Variants in RGS22 observed in about 807,000 individuals in gnomAD.
RGS22 encodes the protein regulator of G protein signaling 22.
A neutral mutation model predicts 172.9 loss-of-function variants in RGS22; 148 were observed. That is an observed-to-expected ratio of 0.86 (90% confidence interval 0.75 to 0.98). The LOEUF (loss-of-function observed/expected upper bound fraction) is 0.98, where lower values mean the gene tolerates loss of function less well. Ranked by LOEUF, RGS22 falls within the 50% of genes least tolerant of loss-of-function variation. RGS22 has a pLI of 0.00. For synonymous variants in RGS22, 458 were observed against 480.2 expected (o/e 0.95, Z 0.60); for missense variants, 1,347 against 1,440.8 (o/e 0.93, Z 1.05).
At chr8:100,015,271 GTT>G (rs1816820222) in intron 14 of RGS22, among the ~76,000 whole-genome samples, 1 of 151,822 alleles carries the variant, frequency 6.6e-6, no homozygotes, top group South Asian at 2.1e-4. Flanking sequence ...TTCCTCCTGT[GTT>G]TCCAGTTTTC....
chr8:100,005,096 T>C (rs1339587891), intron 16 of RGS22, among the ~76,000 whole-genome samples: 1 of 152,054 alleles, frequency 6.6e-6, no homozygotes, highest in African/African-American at 2.4e-5. Flanking sequence ...TCATAGAGTT[T>C]ACAATACAAC....
intron 2 of RGS22, among the ~76,000 whole-genome samples, chr8:100,099,421 G>T (rs565478699): frequency 6.6e-6 from 1 of 152,260 alleles, no homozygotes; most frequent in Admixed American, 6.5e-5. Context: ...GTAAAAAGAG[G>T]ATGTGGCAAG....
intron 23 of RGS22, among the ~76,000 whole-genome samples, chr8:99,966,087 CAG>C (rs1447338365): frequency 6.6e-6 from 1 of 152,122 alleles, no homozygotes; most frequent in Non-Finnish European, 1.5e-5. Flanking sequence ...TCACTTTTGA[CAG>C]ATAATATTTT....
chr8:99,999,523 AG>A, intron 18 of RGS22, 103 bp from the exon 19 acceptor site: 9 of 1,196,416 alleles, frequency 7.5e-6, no homozygotes, highest in Non-Finnish European at 1.1e-5. Flanking sequence ...CTGCACCCTG[AG>A]GGGTGCCAAT....
chr8:100,021,886 A>C (rs1817632066), intron 14 of RGS22, among the ~76,000 whole-genome samples: 1 of 152,192 alleles, frequency 6.6e-6, no homozygotes, highest in African/African-American at 2.4e-5. Flanking sequence ...CAAAAAGAGA[A>C]GTCTGTTTTC....
At chr8:100,053,481 G>A (rs993832066) in intron 9 of RGS22, among the ~76,000 whole-genome samples, 7 of 150,324 alleles carry the variant, frequency 4.7e-5, no homozygotes, top group African/African-American at 1.7e-4. Context: ...AGGGAGGGAG[G>A]AAAGGAAGGA....
chr8:100,082,826 T>C (rs1811863339), intron 3 of RGS22, among the ~76,000 whole-genome samples: 1 of 152,212 alleles, frequency 6.6e-6, no homozygotes, highest in African/African-American at 2.4e-5. Context: ...AGCATTTTGA[T>C]TCCAAAGCCC....
chr8:99,966,988 G>A (rs1019429018), intron 23 of RGS22, among the ~76,000 whole-genome samples: 1 of 152,208 alleles, frequency 6.6e-6, no homozygotes, highest in Non-Finnish European at 1.5e-5. Flanking sequence ...GACCAACACA[G>A]AAGGAGGGTG....
At chr8:100,036,243 G>A (rs1052218876) in intron 14 of RGS22, among the ~76,000 whole-genome samples, 19 of 151,254 alleles carry the variant, frequency 1.3e-4, no homozygotes, top group African/African-American at 2.7e-4. Context: ...GCAAGCTGTC[G>A]CTAGGGTCAA....
chr8:100,008,573 AAGG>A lies in RGS22; in HGVS notation c.2167-7_2167-5del, dbSNP rs762848520. 1.9e-6 allele frequency: 3 copies of A among 1,604,784 alleles called. No individual in the cohort carries two copies. Among genetic ancestry groups the A allele is most frequent in the South Asian group, 1.1e-5 (1 of 89,320 alleles). Reference sequence around the variant, plus strand: ...CAACGTATGTGGCAAAAAGATACTGAAGGAGAAGAGGGAAGAAGGGAGAAGATG... The same window carrying A: ...CAACGTATGTGGCAAAAAGATACTGAAGAAGAGGGAAGAAGGGAGAAGATG... On this transcript the variant is annotated splice_region_variant and splice_polypyrimidine_tract_variant and intron_variant, in intron 14 of 27. Transcript: ENST00000360863.
chr8:100,001,993 AAC>A (rs1458425128), intron 18 of RGS22, among the ~76,000 whole-genome samples: 1 of 152,226 alleles, frequency 6.6e-6, no homozygotes, highest in African/African-American at 2.4e-5. Context: ...TTTTTAGAGT[AAC>A]ACATTTTTAT....
At position 100,040,083 on chromosome 8, in the gene RGS22, T is replaced by C. The variant is rs751074740; in HGVS notation, c.1943A>G (p.Lys648Arg). Reference sequence around the variant, plus strand: ...CAAGGCACCAACATCTGACACGGTTTTAACCTAGATAACAAAACAGAAGTC... The same window carrying C: ...CAAGGCACCAACATCTGACACGGTTCTAACCTAGATAACAAAACAGAAGTC... ...RYAYTEEPRV[K>R]TVSDVGALGG... Residue 648 changes from lysine to arginine, a missense_variant, in exon 13 of 28, where the codon AAA becomes AGA. Lys to Arg is a conservative substitution (Grantham distance 26). Transcript: ENST00000360863. The C allele has an allele frequency of 1.2e-6, 2 of 1,607,424 alleles. No homozygotes were observed. The highest frequency in any genetic ancestry group is 1.7e-6 in the Non-Finnish European group (2 of 1,178,220).
chr8:100,011,626 T>C (rs1405923565), intron 14 of RGS22, among the ~76,000 whole-genome samples: 6 of 152,144 alleles, frequency 3.9e-5, no homozygotes, highest in Non-Finnish European at 7.4e-5. Context: ...GAAGTCCCTG[T>C]AAACATCCTA....
intron 24 of RGS22, among the ~76,000 whole-genome samples, 174 bp downstream of exon 24, chr8:99,965,161 G>A (rs566870573): frequency 6.6e-6 from 1 of 152,120 alleles, no homozygotes. Flanking sequence ...TCTGGGATTG[G>A]CTGAAATTTT....
chr8:100,085,887 C>T (rs1158566051), intron 3 of RGS22, among the ~76,000 whole-genome samples: 2 of 152,110 alleles, frequency 1.3e-5, no homozygotes, highest in African/African-American at 4.8e-5. Context: ...ATGAGTAGCT[C>T]AATTTGAATA....
intron 14 of RGS22, among the ~76,000 whole-genome samples, chr8:100,032,224 A>T (rs1818896715): frequency 6.6e-6 from 1 of 152,200 alleles, no homozygotes; most frequent in Non-Finnish European, 1.5e-5. Flanking sequence ...CAGACTGGCA[A>T]ATTGGATAGA....
intron 3 of RGS22, among the ~76,000 whole-genome samples, chr8:100,088,114 C>A (rs929113764): frequency 9.2e-5 from 14 of 152,048 alleles, no homozygotes; most frequent in South Asian, 6.2e-4. Flanking sequence ...ACTGGCCCCC[C>A]ACAACAGTCC....
chr8:100,105,691 T>A lies in RGS22; in HGVS notation c.25+206A>T. On this transcript the variant is annotated intron_variant, in intron 1 of 27. Transcript: ENST00000360863. ...TTATTCTACGTACAATATGCAGAATTAAGCGAGATAACGTGGTGCCAGCAT... is the reference window on the plus strand; with the variant it reads ...TTATTCTACGTACAATATGCAGAATAAAGCGAGATAACGTGGTGCCAGCAT... 3 of 558,340 alleles carry A rather than the reference T, an allele frequency of 5.4e-6. No homozygotes were observed. In the South Asian group the frequency reaches 7.0e-5, roughly 13 times the overall value. The allele number at this position is 558,340 out of a possible 1,614,324, so 34.6% of individuals were successfully genotyped here. A position where few individuals can be genotyped will look rare whatever the true frequency, so the allele number is the denominator to read the frequency against.
intron 18 of RGS22, 123 bp from the exon 19 acceptor site, chr8:99,999,543 T>C: frequency 1.1e-6 from 1 of 884,298 alleles, no homozygotes; most frequent in South Asian, 1.8e-5. Flanking sequence ...ATTTTCATTT[T>C]CTGTATAACA....
Sources: allele counts gnomAD v4.1 joint callset (sites outside exome capture counted in the v4.1 genomes callset), GRCh38; gene constraint gnomAD v4.1.1; transcripts MANE v1.5; gene names NCBI Gene and HGNC (gene_info 2026-07-23, HGNC 2026-07-21).